Variants in WDR81 observed in about 807,000 individuals in gnomAD.
WDR81 encodes WD repeat domain 81.
Under a neutral mutation model 140.8 loss-of-function variants are expected in WDR81, and 92 were observed. The observed-to-expected ratio is 0.65, with a 90% CI of 0.55 to 0.78. WDR81 has a LOEUF of 0.78. WDR81 is among the 30% of genes least tolerant of loss of function. The pLI is 0.00. For missense variants in WDR81, 2,502 were observed against 2,636.4 expected (o/e 0.95, Z 1.12); for synonymous variants, 1,183 against 1,156.4 (o/e 1.02, Z -0.47).
At position 1,737,861 on chromosome 17, in the gene WDR81, A is replaced by C; in HGVS notation, c.*176A>C. The C allele has an allele frequency of 1.3e-6, 1 of 794,176 alleles. No individual in the cohort carries two copies. Among genetic ancestry groups the C allele is most frequent in the Non-Finnish European group, 1.9e-6 (1 of 515,400 alleles). The allele number at this position is 794,176 out of a possible 1,614,324, so 49.2% of individuals were successfully genotyped here. ...GGAGTGGGGGAGTCCTGGCCCCTGA[A>C]TCACCAGAGCCACCAAGCCTGCCAG... On this transcript the variant is annotated 3_prime_UTR_variant, in exon 10 of 10. Coordinates refer to ENST00000409644, the MANE Select transcript of WDR81 (RefSeq NM_001163809.2).
intron 1 of WDR81, chr17:1,716,711 A>G: frequency 2.7e-6 from 4 of 1,467,728 alleles, no homozygotes; most frequent in Non-Finnish European, 3.7e-6. Context: ...TCCTTGTTGG[A>G]GTCGTGAGTG....
chr17:1,734,127 G>T lies in WDR81; in HGVS notation c.5090G>T (p.Arg1697Leu). ...TAPRLVYTQH[R>L]KSVFFVGQLE... ...CCACGCCTCGTCTACACCCAGCACCGCAAGAGCGTCTTCTTCGTGGGCCAG... is the reference window on the plus strand; with the variant it reads ...CCACGCCTCGTCTACACCCAGCACCTCAAGAGCGTCTTCTTCGTGGGCCAG... Residue 1697 changes from arginine to leucine, a missense_variant, in exon 7 of 10, where the codon CGC (arginine) becomes CTC (leucine). By Grantham distance (102) the Arg-to-Leu change is moderately radical (BLOSUM62 -2). Around this residue, in one of 3 missense-constraint regions of WDR81, gnomAD observed 1,737 missense variants for 1,843.0 expected, o/e 0.94. Transcript: ENST00000409644. 1 of 1,600,060 alleles carries T rather than the reference G, an allele frequency of 6.2e-7. No individual in the cohort carries two copies. Among genetic ancestry groups the T allele is most frequent in the Non-Finnish European group, 8.5e-7 (1 of 1,179,736 alleles).
At chr17:1,736,542 A>AGG (rs1161122396) in intron 9 of WDR81, among the ~76,000 whole-genome samples, 7 of 152,132 alleles carry the variant, frequency 4.6e-5, no homozygotes, top group African/African-American at 1.7e-4. Flanking sequence ...TTGGAGGATC[A>AGG]GGGGTCAGGC....
At chr17:1,732,236 C>T (rs1904410135) in intron 4 of WDR81, 89 bp from the exon 5 acceptor site, 1 of 1,521,272 alleles carries the variant, frequency 6.6e-7, no homozygotes, top group Admixed American at 2.0e-5. Context: ...GACTCCATCT[C>T]AATAAAAATA....
chr17:1,731,450 C>T (rs916363261), intron 4 of WDR81, among the ~76,000 whole-genome samples, 192 bp downstream of exon 4: 8 of 152,190 alleles, frequency 5.3e-5, no homozygotes, highest in East Asian at 1.9e-4. Context: ...TGGTTTGGAC[C>T]AGTTGGTCTT....
intron 4 of WDR81, among the ~76,000 whole-genome samples, chr17:1,731,832 C>T (rs906432552): frequency 3.3e-5 from 5 of 151,538 alleles, no homozygotes; most frequent in East Asian, 3.9e-4. Context: ...GAGGCTGAGG[C>T]GGGAGAATTG....
chr17:1,733,550 C>A lies in WDR81; in HGVS notation c.4513C>A (p.Pro1505Thr). ...AGGTGACATCATCCGGAAAATCATC[C>A]CCAACCACGAGCTGGTTGGGGAGCT... ...LLGDIIRKIIPNHELVGELAA... is the reference protein window; with the variant it reads ...LLGDIIRKIITNHELVGELAA... The change falls in exon 7 of 10, where the codon CCC (proline) becomes ACC (threonine). Residue 1505 changes from proline (P) to threonine (T), a missense_variant. Pro to Thr is a conservative substitution (Grantham distance 38). Around this residue, in one of 3 missense-constraint regions of WDR81, gnomAD observed 1,737 missense variants for 1,843.0 expected, o/e 0.94. Transcript: ENST00000409644. The A allele has an allele frequency of 6.6e-7, 1 of 1,518,344 alleles. No homozygotes were observed. Among genetic ancestry groups the A allele is most frequent in the Non-Finnish European group, 8.8e-7 (1 of 1,134,580 alleles). 94.1% of individuals were successfully genotyped at this position (1,518,344 alleles called of 1,614,324 possible).
At position 1,726,921 on chromosome 17, in the gene WDR81, A is replaced by G. The variant is rs1257308341; in HGVS notation, c.1962A>G (p.Ala654=). ...EASWTRDRPV[A]GEDDLEQATE... is the part of the protein sequence containing the mutation. ...GCTGGACCAGAGACAGGCCGGTGGC[A>G]GGAGAAGACGACTTGGAACAGGCCA... The change falls in exon 1 of 10, where the codon GCA becomes GCG. Residue 654 remains alanine, a synonymous_variant. Coordinates refer to ENST00000409644, the MANE Select transcript of WDR81 (RefSeq NM_001163809.2). 5 of 1,550,448 alleles carry G rather than the reference A, an allele frequency of 3.2e-6. No individual in the cohort carries two copies. The East Asian group carries it at 9.8e-5, about 30-fold the overall frequency.
chr17:1,722,512 A>G (rs1389784150), upstream of WDR81, among the ~76,000 whole-genome samples: 1 of 151,060 alleles, frequency 6.6e-6, no homozygotes, highest in Non-Finnish European at 1.5e-5. Context: ...ACACCTGGCT[A>G]ATTTTTGTAT....
At chr17:1,731,001 G>T in intron 3 of WDR81, 56 bp downstream of exon 3, 1 of 1,604,914 alleles carries the variant, frequency 6.2e-7, no homozygotes. Context: ...CTGAGGGCCG[G>T]CCCGGGCTCT....
chr17:1,732,853 C>T (rs759402910), intron 6 of WDR81, 22 bp downstream of exon 6: 4 of 1,574,074 alleles, frequency 2.5e-6, no homozygotes, highest in East Asian at 2.3e-5. Flanking sequence ...TCACGTTCCC[C>T]ATCACAGTCT....
Position 1,728,361 on chromosome 17 carries a change from G to A in WDR81, c.3402G>A (p.Lys1134=), listed in dbSNP as rs747657685. 2.5e-6 allele frequency: 4 copies of A among 1,612,944 alleles called. No individual in the cohort carries two copies. Among genetic ancestry groups the A allele is most frequent in the Non-Finnish European group, 2.5e-6 (3 of 1,180,004 alleles). The change falls in exon 1 of 10, where the codon AAG becomes AAA. Residue 1134 remains lysine (K), a synonymous_variant. Transcript: ENST00000409644. ...APDEGGAPVD[K]SSLRSGDSSQ... is the part of the protein sequence containing the mutation. ...ACGAGGGGGGTGCCCCCGTGGACAA[G>A]AGCAGCCTTCGATCAGGTGACAGCA...
chr17:1,736,713 C>G (rs1007744800), intron 9 of WDR81, among the ~76,000 whole-genome samples: 1 of 152,188 alleles, frequency 6.6e-6, no homozygotes, highest in East Asian at 1.9e-4. Flanking sequence ...TCCCCTCCCC[C>G]TCCCTCCATT....
upstream of WDR81, among the ~76,000 whole-genome samples, chr17:1,720,066 C>T (rs900760251): frequency 1.3e-5 from 2 of 152,202 alleles, no homozygotes; most frequent in African/African-American, 2.4e-5. Context: ...AAACACCTAG[C>T]GTAGATTTAA....
Position 1,727,332 on chromosome 17 carries a change from G to C in WDR81, c.2373G>C (p.Gln791His). 6.5e-7 allele frequency: 1 copy of C among 1,549,882 alleles called. No individual in the cohort carries two copies. The highest frequency in any genetic ancestry group is 2.4e-5 in the East Asian group (1 of 40,924). Residue 791 changes from glutamine (Q) to histidine (H), a missense_variant, in exon 1 of 10, where the codon CAG becomes CAC. Transcript: ENST00000409644. ...MVFATRVRTL[Q>H]PDAPLWVRFQ... ...TTGCCACCAGGGTGCGGACGCTGCA[G>C]CCCGATGCACCTTTGTGGGTACGCT...
chr17:1,728,810 G>A (rs758850231), intron 1 of WDR81, among the ~76,000 whole-genome samples, 184 bp downstream of exon 1: 2 of 151,952 alleles, frequency 1.3e-5, no homozygotes, highest in Admixed American at 6.6e-5. Flanking sequence ...AAAAATAGCC[G>A]GGCGTGGGGG....
rs1915236338 is a variant in WDR81, at chr17:1,726,147, C to T, written c.1188C>T (p.Phe396=). The change falls in exon 1 of 10, where the codon TTC becomes TTT. Residue 396 remains phenylalanine (F), a synonymous_variant. Transcript: ENST00000409644. ...VVDFTTPHGR[F]RDLRKSKFRL... ...ACTTCACTACGCCCCATGGGCGCTTCCGAGACCTGCGCAAGTCCAAGTTCC... is the reference window on the plus strand; with the variant it reads ...ACTTCACTACGCCCCATGGGCGCTTTCGAGACCTGCGCAAGTCCAAGTTCC... 6.6e-7 allele frequency: 1 copy of T among 1,524,204 alleles called. No homozygotes were observed. 94.4% of individuals were successfully genotyped at this position (1,524,204 alleles called of 1,614,324 possible).
intron 1 of WDR81, among the ~76,000 whole-genome samples, chr17:1,719,702 A>C (rs901321719): frequency 2.6e-5 from 4 of 151,528 alleles, no homozygotes; most frequent in African/African-American, 9.7e-5. Flanking sequence ...CTCTTTAAAA[A>C]AAAAAAAAAT....
In WDR81 at chr17:1,727,278, G is replaced by T. The variant is rs144383054; in HGVS notation, c.2319G>T (p.Ala773=). Residue 773 remains alanine (A), a synonymous_variant, in exon 1 of 10, where the codon GCG becomes GCT. Transcript: ENST00000409644. The part of the protein sequence containing the change: ...LQCLLHRDMQ[A]LGVLLAEMVF... Reference sequence around the variant, plus strand: ...GCCTACTCCACAGGGACATGCAGGCGCTGGGTGTCCTATTGGCAGAGATGG... The same window carrying T: ...GCCTACTCCACAGGGACATGCAGGCTCTGGGTGTCCTATTGGCAGAGATGG... 3.2e-6 allele frequency: 5 copies of T among 1,550,228 alleles called. No homozygotes were observed. Among genetic ancestry groups the T allele is most frequent in the Non-Finnish European group, 4.4e-6 (5 of 1,146,966 alleles).
Sources: allele counts gnomAD v4.1 joint callset (sites outside exome capture counted in the v4.1 genomes callset), GRCh38; gene constraint gnomAD v4.1.1; regional missense constraint gnomAD v4.1.1; transcripts MANE v1.5; gene names NCBI Gene and HGNC (gene_info 2026-07-23, HGNC 2026-07-21).